The following SPMAP2 variants were observed in gnomAD, a reference collection of about 807,000 sequenced individuals.
The protein encoded by SPMAP2 is sperm microtubule associated protein 2, also known as Theg homolog.
the SPMAP2 span, among the ~76,000 whole-genome samples, chr19:370,777 G>A: frequency 4.6e-5 from 7 of 152,204 alleles, no homozygotes; most frequent in East Asian, 3.9e-4. Context: ...CGACGCACGC[G>A]AGAGTCTCAG....
the SPMAP2 span, chr19:373,870 G>A: frequency 4.9e-6 from 7 of 1,438,656 alleles, no homozygotes; most frequent in Non-Finnish European, 6.8e-6. Context: ...TGGCTGGAGT[G>A]AAGGGGTCCC....
the SPMAP2 span, among the ~76,000 whole-genome samples, chr19:364,351 A>G: frequency 6.6e-6 from 1 of 151,014 alleles, no homozygotes; most frequent in Non-Finnish European, 1.5e-5. Flanking sequence ...AAAAAAAAAA[A>G]AAAAAGAAAG....
At chr19:370,188 A>G in the SPMAP2 span, among the ~76,000 whole-genome samples, 2,887 of 152,326 alleles carry the variant, frequency 0.019, 51 homozygotes, top group East Asian at 0.073. Flanking sequence ...ATCCCGGCCC[A>G]GAGAATGCAA....
chr19:374,395 G>C, the SPMAP2 span: 1 of 1,614,108 alleles, frequency 6.2e-7, no homozygotes, highest in South Asian at 1.1e-5. Flanking sequence ...GGTGGTGCTG[G>C]GGAGCTTCTG....
At chr19:367,301 A>C in the SPMAP2 span, 2 of 1,391,688 alleles carry the variant, frequency 1.4e-6, no homozygotes, top group African/African-American at 2.9e-5. Flanking sequence ...GAAGGACCCC[A>C]GGAGCAACAC....
chr19:374,242 G>A, the SPMAP2 span: 1 of 1,601,772 alleles, frequency 6.2e-7, no homozygotes, highest in Non-Finnish European at 8.5e-7. Flanking sequence ...CCCGGGAAGG[G>A]TGCAGAGAAA....
chr19:367,272 C>A, the SPMAP2 span: 43 of 1,505,174 alleles, frequency 2.9e-5, no homozygotes, highest in Non-Finnish European at 3.6e-5. Flanking sequence ...GTCCATGATG[C>A]CTCGTGGGCC....
chr19:370,373 G>C, the SPMAP2 span, among the ~76,000 whole-genome samples: 1 of 149,850 alleles, frequency 6.7e-6, no homozygotes, highest in South Asian at 2.1e-4. Flanking sequence ...GCGGAGTCTC[G>C]CTCTGTCGCC....
the SPMAP2 span, among the ~76,000 whole-genome samples, chr19:363,349 C>A: frequency 6.6e-6 from 1 of 151,966 alleles, no homozygotes; most frequent in Non-Finnish European, 1.5e-5. Context: ...TGCACCACCA[C>A]AGCCAGCTAA....
At chr19:373,137 A>C in the SPMAP2 span, among the ~76,000 whole-genome samples, 1 of 152,100 alleles carries the variant, frequency 6.6e-6, no homozygotes, top group Non-Finnish European at 1.5e-5. Context: ...TCTATGGGGA[A>C]CTCTCGAAGT....
chr19:375,957 C>T, the SPMAP2 span: 15 of 1,440,844 alleles, frequency 1.0e-5, no homozygotes, highest in African/African-American at 1.6e-4. Context: ...TGACCTTCGC[C>T]TGCTGTCCCC....
the SPMAP2 span, among the ~76,000 whole-genome samples, chr19:364,138 C>T: frequency 1.3e-5 from 2 of 150,300 alleles, no homozygotes; most frequent in African/African-American, 4.9e-5. Flanking sequence ...TCGAGACCAT[C>T]CTGGCTCACA....
chr19:374,130 A>C, the SPMAP2 span: 1 of 1,452,754 alleles, frequency 6.9e-7, no homozygotes, highest in Non-Finnish European at 9.5e-7. Flanking sequence ...AGCCACTCCC[A>C]GTGTCTGGCC....
chr19:362,465 A>C, the SPMAP2 span: 1 of 1,509,258 alleles, frequency 6.6e-7, no homozygotes, highest in Non-Finnish European at 9.0e-7. Flanking sequence ...CTGAAGCTCA[A>C]ACCTCAAAGC....
chr19:370,744 G>A, the SPMAP2 span, among the ~76,000 whole-genome samples: 10 of 152,210 alleles, frequency 6.6e-5, no homozygotes, highest in Admixed American at 1.3e-4. Context: ...GAATTGAACC[G>A]GCGACGACAA....
the SPMAP2 span, among the ~76,000 whole-genome samples, chr19:369,294 G>A: frequency 6.6e-6 from 1 of 152,174 alleles, no homozygotes; most frequent in East Asian, 1.9e-4. Context: ...AAGAAAGCAG[G>A]CACTACCACC....
chr19:363,631 T>A, the SPMAP2 span, among the ~76,000 whole-genome samples: 32 of 152,062 alleles, frequency 2.1e-4, 2 homozygotes, highest in Admixed American at 1.5e-3. Flanking sequence ...CTCCCCAGGA[T>A]CAAGTGATTC....
the SPMAP2 span, chr19:371,058 T>G: frequency 2.0e-6 from 1 of 505,212 alleles, no homozygotes; most frequent in Non-Finnish European, 3.5e-6. Context: ...CAGTGAGAGA[T>G]CAAAAGAAAG....
the SPMAP2 span, chr19:375,969 A>G: frequency 4.3e-6 from 6 of 1,408,048 alleles, no homozygotes; most frequent in South Asian, 3.5e-5. Context: ...GCTGTCCCCC[A>G]TACACCGGTC....
Sources: allele counts gnomAD v4.1 joint callset (sites outside exome capture counted in the v4.1 genomes callset), GRCh38; gene constraint gnomAD v4.1.1; transcripts MANE v1.5; gene names NCBI Gene and HGNC (gene_info 2026-07-23, HGNC 2026-07-21).